Variants in METTL14 observed in about 807,000 individuals in gnomAD.
The protein encoded by METTL14 is N(6)-adenosine-methyltransferase non-catalytic subunit METTL14.
METTL14 carries 32 observed loss-of-function variants against 62.4 expected under a neutral mutation model. The observed-to-expected ratio is 0.51, with a 90% CI of 0.39 to 0.69. METTL14 has a LOEUF of 0.69. Ranked by LOEUF, METTL14 falls within the 30% of genes least tolerant of loss-of-function variation. The pLI, the probability that METTL14 is intolerant of heterozygous loss-of-function variation, is 0.00. For synonymous variants in METTL14, 150 were observed against 180.0 expected (o/e 0.83, Z 1.34); for missense variants, 340 against 551.9 (o/e 0.62, Z 3.85).
At chr4:118,704,748 G>A (rs1724705123) in intron 9 of METTL14, among the ~76,000 whole-genome samples, 1 of 152,068 alleles carries the variant, frequency 6.6e-6, no homozygotes, top group Admixed American at 6.5e-5. Context: ...TTTTTGAGTT[G>A]TATCCTTTTA....
chr4:118,709,191 G>A (rs999941884), intron 10 of METTL14, among the ~76,000 whole-genome samples: 136 of 152,308 alleles, frequency 8.9e-4, no homozygotes, highest in African/African-American at 3.0e-3. Context: ...TATAGAAGCA[G>A]TTACTATAGT....
At chr4:118,699,973 A>G (rs1724538354) in intron 7 of METTL14, among the ~76,000 whole-genome samples, 1 of 152,178 alleles carries the variant, frequency 6.6e-6, no homozygotes, top group Non-Finnish European at 1.5e-5. Flanking sequence ...GTTTTACTTA[A>G]GAACACAAGC....
rs192320284 is a variant in METTL14, at chr4:118,696,606, T to G, written c.504-576T>G. ...TTTAAAGTATTTTAAATTTAAAATATTTTCATGCTATGTGACAATAACTTT... is the reference window on the plus strand; with the variant it reads ...TTTAAAGTATTTTAAATTTAAAATAGTTTCATGCTATGTGACAATAACTTT... On this transcript the variant is annotated intron_variant, in intron 6 of 10. Coordinates refer to ENST00000388822, the MANE Select transcript of METTL14 (RefSeq NM_020961.4). Among the ~76,000 whole-genome samples, 3 of 152,274 alleles carry G rather than the reference T, an allele frequency of 2.0e-5. No individual in the cohort carries two copies. The East Asian group carries it at 5.8e-4, about 29-fold the overall frequency.
chr4:118,686,244 G>C (rs985356819), intron 1 of METTL14, among the ~76,000 whole-genome samples: 16 of 152,136 alleles, frequency 1.1e-4, no homozygotes, highest in African/African-American at 3.9e-4. Flanking sequence ...TTCTCTGCTG[G>C]GAAATAGAAC....
At chr4:118,690,644 C>A (rs1208516586) in intron 3 of METTL14, among the ~76,000 whole-genome samples, 1 of 149,018 alleles carries the variant, frequency 6.7e-6, no homozygotes, top group African/African-American at 2.5e-5. Flanking sequence ...CATGCCACTG[C>A]ACTCCAGCCT....
chr4:118,705,679 T>C lies in METTL14; in HGVS notation c.924T>C (p.Asn308=). ...CAGACGGGGACTTCATTCATGCTAA[T>C]GTTGACATTGACTTAATTATCACAG... ...RSTDGDFIHA[N]VDIDLIITEE... Residue 308 remains asparagine, a synonymous_variant, in exon 10 of 11, where the codon AAT becomes AAC. Coordinates refer to ENST00000388822, the MANE Select transcript of METTL14 (RefSeq NM_020961.4). 6.2e-7 allele frequency: 1 copy of C among 1,614,174 alleles called. No individual in the cohort carries two copies. The highest frequency in any genetic ancestry group is 8.5e-7 in the Non-Finnish European group (1 of 1,180,010).
chr4:118,701,181 T>TTG (rs1553981700), intron 8 of METTL14, among the ~76,000 whole-genome samples: 3 of 118,224 alleles, frequency 2.5e-5, no homozygotes, highest in Non-Finnish European at 6.1e-5. Context: ...GAGTTTTTTT[T>TTG]TGTTTTTTTT....
At chr4:118,696,116 T>TGAAAAAAAAA (rs1290726081) in intron 6 of METTL14, among the ~76,000 whole-genome samples, 1 of 7,828 alleles carries the variant, frequency 1.3e-4, no homozygotes, top group Non-Finnish European at 4.2e-4. Context: ...AGACTCTGTC[T>TGAAAAAAAAA]CAAAAAAAAA....
At chr4:118,685,886 AG>A (rs1463881552) in intron 1 of METTL14, among the ~76,000 whole-genome samples, 2 of 152,216 alleles carry the variant, frequency 1.3e-5, no homozygotes, top group Non-Finnish European at 2.9e-5. Context: ...TGTTCACGCC[AG>A]GATGAGTGTC....
At chr4:118,694,336 T>G in intron 5 of METTL14, 100 bp from the exon 6 acceptor site, 1 of 715,546 alleles carries the variant, frequency 1.4e-6, no homozygotes, top group Non-Finnish European at 2.4e-6. Context: ...TCAAGTGGCA[T>G]GTGTATTATT....
At chr4:118,699,391 A>G (rs1724519452) in intron 7 of METTL14, among the ~76,000 whole-genome samples, 1 of 152,226 alleles carries the variant, frequency 6.6e-6, no homozygotes, top group Non-Finnish European at 1.5e-5. Context: ...AGAAAAGTGC[A>G]CAGAATGTGG....
chr4:118,701,684 G>A (rs933282624), intron 8 of METTL14, among the ~76,000 whole-genome samples: 5 of 151,982 alleles, frequency 3.3e-5, no homozygotes, highest in Admixed American at 3.3e-4. Context: ...TTGACACTTC[G>A]TTTTTATGAC....
intron 8 of METTL14, 49 bp downstream of exon 8, chr4:118,700,691 A>G: frequency 7.7e-7 from 1 of 1,295,346 alleles, no homozygotes; most frequent in Non-Finnish European, 1.1e-6. Context: ...TAAGAAAAAA[A>G]TGTAACAGTA....
chr4:118,701,103 C>T (rs1011368153), intron 8 of METTL14, among the ~76,000 whole-genome samples: 17 of 151,792 alleles, frequency 1.1e-4, no homozygotes, highest in African/African-American at 3.9e-4. Context: ...GTTATAATAC[C>T]TGAACTTATT....
In METTL14 at chr4:118,710,210, C is replaced by T. The variant is rs1482132298; in HGVS notation, c.1279C>T (p.Arg427Ter). The T allele has an allele frequency of 5.0e-6, 8 of 1,613,966 alleles. No individual in the cohort carries two copies. Among genetic ancestry groups the T allele is most frequent in the Non-Finnish European group, 5.9e-6 (7 of 1,180,024 alleles). ...GRGGTSAGRG[R>*]ERNRSNFRGE... is the part of the protein sequence containing the mutation. ...AGGTGGAACTTCTGCTGGCCGTGGA[C>T]GAGAAAGAAATAGATCTAACTTCCG... is the stretch of plus-strand genomic sequence containing the variant. The change falls in exon 11 of 11, where the codon CGA becomes TGA. Residue 427 changes from arginine to a stop codon, truncating the protein, a stop_gained. Transcript: ENST00000388822. LOFTEE classifies it high-confidence loss of function.
At chr4:118,700,458 C>A in intron 7 of METTL14, 92 bp from the exon 8 acceptor site, 1 of 968,074 alleles carries the variant, frequency 1.0e-6, no homozygotes, top group Non-Finnish European at 1.6e-6. Context: ...AAGAACACAT[C>A]TATCCTAATA....
At chr4:118,698,195 C>T (rs1448155683) in intron 7 of METTL14, among the ~76,000 whole-genome samples, 1 of 152,066 alleles carries the variant, frequency 6.6e-6, no homozygotes, top group Non-Finnish European at 1.5e-5. Flanking sequence ...TGTCTCATGC[C>T]TGTAATCCCA....
At chr4:118,696,765 A>G (rs1490430930) in intron 6 of METTL14, among the ~76,000 whole-genome samples, 2 of 152,178 alleles carry the variant, frequency 1.3e-5, no homozygotes, top group Admixed American at 6.5e-5. Context: ...TAAAGCTTAC[A>G]GAGAAATGGG....
Position 118,711,764 on chromosome 4 carries a change from A to G in METTL14, c.*1462A>G, listed in dbSNP as rs367747242. ...ATATTTTCAACTTCACTAATTACAA[A>G]TTATCTAGATTTAGAACTCTATATG... On this transcript the variant is annotated 3_prime_UTR_variant, in exon 11 of 11. Transcript: ENST00000388822. The G allele has an allele frequency of 3.9e-5, 6 of 152,174 alleles. No individual in the cohort carries two copies. The highest frequency in any genetic ancestry group is 1.2e-4 in the African/African-American group (5 of 41,436). The allele number at this position is 152,174 out of a possible 1,614,324, so 9.4% of individuals were successfully genotyped here. A position where few individuals can be genotyped will look rare whatever the true frequency, so the allele number is the denominator to read the frequency against.
Sources: allele counts gnomAD v4.1 joint callset (sites outside exome capture counted in the v4.1 genomes callset), GRCh38; gene constraint gnomAD v4.1.1; transcripts MANE v1.5; gene names NCBI Gene and HGNC (gene_info 2026-07-23, HGNC 2026-07-21).